Variants in MYO1D observed in about 807,000 individuals in gnomAD.
MYO1D encodes the protein unconventional myosin-Id.
In MYO1D, 83 loss-of-function variants were observed where a neutral mutation model predicts 122.0. The ratio of observed to expected loss-of-function variants is 0.68; its 90% confidence interval spans 0.57 to 0.82. The LOEUF (loss-of-function observed/expected upper bound fraction) is 0.82. Ranked by LOEUF, MYO1D falls within the 40% of genes least tolerant of loss-of-function variation. MYO1D has a pLI of 0.00. For synonymous variants in MYO1D, 464 were observed against 446.9 expected (o/e 1.04, Z -0.48); for missense variants, 1,157 against 1,269.5 (o/e 0.91, Z 1.35).
chr17:32,861,760 G>GT (rs1164546753), intron 1 of MYO1D, among the ~76,000 whole-genome samples: 1 of 152,106 alleles, frequency 6.6e-6, no homozygotes, highest in Non-Finnish European at 1.5e-5. Flanking sequence ...GTTCACACCT[G>GT]TAATTCCAAC....
chr17:32,704,291 T>C (rs554114932), intron 16 of MYO1D, among the ~76,000 whole-genome samples: 2 of 152,292 alleles, frequency 1.3e-5, no homozygotes, highest in African/African-American at 4.8e-5. Context: ...ACTGGCTACA[T>C]TGATTCATTT....
intron 21 of MYO1D, among the ~76,000 whole-genome samples, chr17:32,532,760 G>A (rs1486336993): frequency 2.0e-5 from 3 of 151,138 alleles, no homozygotes; most frequent in African/African-American, 7.3e-5. Flanking sequence ...GAGTGCACGA[G>A]GCTGATATGC....
chr17:32,841,253 GC>G (rs1376355316), intron 1 of MYO1D, among the ~76,000 whole-genome samples: 1 of 152,116 alleles, frequency 6.6e-6, no homozygotes, highest in Non-Finnish European at 1.5e-5. Context: ...GATGACTTGA[GC>G]CCAGGAGTTC....
At chr17:32,561,069 G>A (rs1466210600) in intron 21 of MYO1D, among the ~76,000 whole-genome samples, 1 of 151,390 alleles carries the variant, frequency 6.6e-6, no homozygotes, top group Non-Finnish European at 1.5e-5. Context: ...CTGCCACCAC[G>A]CCCGGCTAAT....
intron 15 of MYO1D, among the ~76,000 whole-genome samples, chr17:32,719,844 T>C (rs2089490002): frequency 6.6e-6 from 1 of 152,198 alleles, no homozygotes; most frequent in African/African-American, 2.4e-5. Context: ...ATCTCTCTGA[T>C]CTCATCTCAC....
intron 20 of MYO1D, among the ~76,000 whole-genome samples, chr17:32,623,676 G>C (rs1381152439): frequency 6.6e-6 from 1 of 152,158 alleles, no homozygotes; most frequent in Non-Finnish European, 1.5e-5. Context: ...CTCCAACTCT[G>C]TCTCAGTCCA....
intron 21 of MYO1D, among the ~76,000 whole-genome samples, chr17:32,562,145 C>A (rs1312043684): frequency 6.6e-6 from 1 of 152,082 alleles, no homozygotes; most frequent in Non-Finnish European, 1.5e-5. Flanking sequence ...TGCATGCCAC[C>A]ACGCTGGGCT....
At chr17:32,547,491 T>G (rs1409051061) in intron 21 of MYO1D, among the ~76,000 whole-genome samples, 2 of 152,236 alleles carry the variant, frequency 1.3e-5, no homozygotes, top group Non-Finnish European at 2.9e-5. Flanking sequence ...CATGTCACAC[T>G]TCATGTGTCC....
intron 1 of MYO1D, among the ~76,000 whole-genome samples, chr17:32,872,110 C>G (rs1251064169): frequency 7.0e-6 from 1 of 142,866 alleles, no homozygotes; most frequent in Admixed American, 6.9e-5. Context: ...ACCACCACCT[C>G]CATCTCCACC....
intron 13 of MYO1D, among the ~76,000 whole-genome samples, chr17:32,739,091 A>T: frequency 6.6e-6 from 1 of 152,208 alleles, no homozygotes; most frequent in East Asian, 1.9e-4. Flanking sequence ...AGATATTTTT[A>T]AAAACGTGTA....
At chr17:32,779,836 T>G (rs898865354) in intron 2 of MYO1D, among the ~76,000 whole-genome samples, 3 of 152,210 alleles carry the variant, frequency 2.0e-5, no homozygotes, top group Non-Finnish European at 4.4e-5. Flanking sequence ...ACCAGAGAGT[T>G]GTTTTGCTCA....
chr17:32,532,408 G>A (rs886274612), intron 21 of MYO1D, among the ~76,000 whole-genome samples: 2 of 151,556 alleles, frequency 1.3e-5, no homozygotes, highest in African/African-American at 4.8e-5. Flanking sequence ...CTTAAAAGAG[G>A]TGCCCTTAGT....
intron 20 of MYO1D, among the ~76,000 whole-genome samples, chr17:32,612,895 T>C (rs1315410848): frequency 2.0e-5 from 3 of 151,690 alleles, no homozygotes; most frequent in Non-Finnish European, 2.9e-5. Flanking sequence ...CAGCCTCCCA[T>C]GCAGCTGGGA....
intron 16 of MYO1D, among the ~76,000 whole-genome samples, chr17:32,700,168 G>T (rs1367330952): frequency 6.6e-6 from 1 of 152,292 alleles, no homozygotes; most frequent in Admixed American, 6.5e-5. Flanking sequence ...TGGCACCAAG[G>T]ACCAATTTCA....
chr17:32,784,392 G>C (rs1360392200), intron 1 of MYO1D, among the ~76,000 whole-genome samples: 1 of 151,848 alleles, frequency 6.6e-6, no homozygotes, highest in East Asian at 1.9e-4. Flanking sequence ...CCTCTATGGA[G>C]TCACTCTTAA....
intron 1 of MYO1D, among the ~76,000 whole-genome samples, chr17:32,842,878 A>G (rs1351475247): frequency 7.8e-6 from 1 of 128,298 alleles, no homozygotes; most frequent in East Asian, 2.4e-4. Context: ...TTTTATTTCT[A>G]TTTCTTTCTT....
intron 21 of MYO1D, among the ~76,000 whole-genome samples, chr17:32,584,882 T>C (rs1292298504): frequency 6.6e-6 from 1 of 152,198 alleles, no homozygotes; most frequent in Non-Finnish European, 1.5e-5. Flanking sequence ...AAAACATTGA[T>C]TTGCTCAAAG....
At chr17:32,726,565 TAAATAGA>T (rs2089576040) in intron 14 of MYO1D, among the ~76,000 whole-genome samples, 1 of 150,300 alleles carries the variant, frequency 6.7e-6, no homozygotes, top group Middle Eastern at 3.6e-3. Flanking sequence ...AATTACAATC[TAAATAGA>T]TATATATTAT....
chr17:32,847,446 G>A (rs2090948298), intron 1 of MYO1D, among the ~76,000 whole-genome samples: 1 of 152,166 alleles, frequency 6.6e-6, no homozygotes, highest in Non-Finnish European at 1.5e-5. Context: ...AAGACAAACT[G>A]CAGGACATAT....
Sources: gnomAD v4.1 joint callset for allele counts (sites outside exome capture counted in the v4.1 genomes callset) on GRCh38, gnomAD v4.1.1 for gene constraint, MANE v1.5 for transcripts, NCBI Gene and HGNC (gene_info 2026-07-23, HGNC 2026-07-21) for gene names.